The following IMMP2L variants were observed in gnomAD, a reference collection of about 807,000 sequenced individuals.
IMMP2L encodes inner mitochondrial membrane peptidase subunit 2.
IMMP2L carries 18 observed loss-of-function variants against 19.3 expected under a neutral mutation model. The ratio of observed to expected loss-of-function variants is 0.93; its 90% CI spans 0.64 to 1.38. The LOEUF is 1.38. Among genes scored for constraint, IMMP2L ranks in the 40% most tolerant of loss-of-function variants. IMMP2L has a pLI of 0.00. For missense variants in IMMP2L, 233 were observed against 218.2 expected (o/e 1.07, Z -0.43); for synonymous variants, 76 against 73.0 (o/e 1.04, Z -0.21).
intron 5 of IMMP2L, among the ~76,000 whole-genome samples, chr7:110,840,346 C>T (rs1006036000): frequency 2.6e-5 from 4 of 152,076 alleles, no homozygotes; most frequent in African/African-American, 9.7e-5. Context: ...CATCGATTTC[C>T]TTCTGGAATC....
At chr7:111,057,266 C>A (rs371310743) in intron 3 of IMMP2L, among the ~76,000 whole-genome samples, 1 of 152,268 alleles carries the variant, frequency 6.6e-6, no homozygotes, top group African/African-American at 2.4e-5. Flanking sequence ...AAGGTAGGCA[C>A]CAGCCATCTG....
intron 3 of IMMP2L, among the ~76,000 whole-genome samples, chr7:111,339,514 G>A (rs918454982): frequency 2.0e-5 from 3 of 151,796 alleles, no homozygotes; most frequent in East Asian, 1.9e-4. Flanking sequence ...GCCCTACACC[G>A]CATTTTACAG....
At chr7:111,345,114 A>C (rs1288992863) in intron 3 of IMMP2L, among the ~76,000 whole-genome samples, 2 of 152,082 alleles carry the variant, frequency 1.3e-5, no homozygotes, top group Non-Finnish European at 2.9e-5. Flanking sequence ...TAAGAATGAA[A>C]ACTGGAAATT....
rs540716435 is a variant in IMMP2L at position 111,059,056 on chromosome 7, C to T, written c.240-95491G>A. Among the ~76,000 whole-genome samples the T allele has an allele frequency of 2.0e-5, 3 of 152,130 alleles. No homozygotes were observed. In the East Asian group the frequency reaches 5.8e-4, roughly 29 times the overall value. On this transcript the variant is annotated intron_variant, in intron 3 of 5. Transcript: ENST00000405709. The stretch of plus-strand genomic sequence containing the variant: ...GGAGTGCAGTGGCGCAATCTCGGCT[C>T]ACTGCAACTTTTGCCTCCCGGGTTC...
intron 4 of IMMP2L, among the ~76,000 whole-genome samples, chr7:110,912,709 A>G (rs900117731): frequency 6.6e-6 from 1 of 152,200 alleles, no homozygotes; most frequent in African/African-American, 2.4e-5. Context: ...ACAAGAAAGC[A>G]AACACAAAGT....
At chr7:111,441,168 G>A (rs923773576) in intron 3 of IMMP2L, among the ~76,000 whole-genome samples, 2 of 151,886 alleles carry the variant, frequency 1.3e-5, no homozygotes, top group Non-Finnish European at 2.9e-5. Flanking sequence ...ATTCACTGGA[G>A]TAGCATTTTT....
chr7:110,737,214 C>T (rs1198522888), intron 5 of IMMP2L, among the ~76,000 whole-genome samples: 2 of 152,098 alleles, frequency 1.3e-5, no homozygotes, highest in East Asian at 3.9e-4. Flanking sequence ...TGGCAGGCTC[C>T]CTGAGATGCC....
intron 5 of IMMP2L, among the ~76,000 whole-genome samples, chr7:110,789,772 C>A (rs1399359268): frequency 6.6e-6 from 1 of 151,582 alleles, no homozygotes; most frequent in Non-Finnish European, 1.5e-5. Flanking sequence ...TACTGGTGCC[C>A]TTGCTCTTCC....
At chr7:110,858,591 C>A (rs1807047144) in intron 5 of IMMP2L, among the ~76,000 whole-genome samples, 1 of 152,034 alleles carries the variant, frequency 6.6e-6, no homozygotes, top group Admixed American at 6.6e-5. Flanking sequence ...TTTTAAAGAA[C>A]TTTATTTTAT....
In IMMP2L at chr7:111,424,444, G is replaced by A. The variant is rs777379677; in HGVS notation, c.239+62794C>T. ...AGACTACAAGTAATTAACAGACTGC[G>A]AGGGCCAGTGTCCCAGACTAAGCCA... On this transcript the variant is annotated intron_variant, in intron 3 of 5. Transcript: ENST00000405709. Among the ~76,000 whole-genome samples, 76 of 151,866 alleles carry A rather than the reference G, an allele frequency of 5.0e-4. 1 individual carries two copies. Among genetic ancestry groups the A allele is most frequent in the Non-Finnish European group, 6.2e-4 (42 of 67,966 alleles).
At chr7:111,063,378 A>G (rs532625473) in intron 3 of IMMP2L, among the ~76,000 whole-genome samples, 4 of 151,792 alleles carry the variant, frequency 2.6e-5, no homozygotes, top group Admixed American at 2.6e-4. Flanking sequence ...CCACAAAACC[A>G]TTTTTTCCTC....
chr7:110,743,369 C>T (rs2130878349), intron 5 of IMMP2L, among the ~76,000 whole-genome samples: 1 of 152,140 alleles, frequency 6.6e-6, no homozygotes, highest in Middle Eastern at 3.4e-3. Context: ...GCAGAATTAA[C>T]ATTGACATTA....
chr7:110,843,910 A>G (rs905808221), intron 5 of IMMP2L, among the ~76,000 whole-genome samples: 8 of 152,150 alleles, frequency 5.3e-5, no homozygotes, highest in South Asian at 2.1e-4. Context: ...GGCAGGGCAC[A>G]TGAGTGAAAG....
At chr7:110,827,239 C>A (rs1437228457) in intron 5 of IMMP2L, among the ~76,000 whole-genome samples, 2 of 152,126 alleles carry the variant, frequency 1.3e-5, no homozygotes, top group African/African-American at 2.4e-5. Flanking sequence ...AGATAAGCAA[C>A]CCACCCAAAG....
At chr7:110,987,046 T>C (rs1269210012) in intron 3 of IMMP2L, among the ~76,000 whole-genome samples, 1 of 152,044 alleles carries the variant, frequency 6.6e-6, no homozygotes, top group African/African-American at 2.4e-5. Context: ...GTAGGAAAAA[T>C]ATATATCAAT....
intron 3 of IMMP2L, among the ~76,000 whole-genome samples, chr7:111,083,754 C>A (rs150770212): frequency 6.6e-6 from 1 of 152,110 alleles, no homozygotes; most frequent in Non-Finnish European, 1.5e-5. Flanking sequence ...TGTCTTGCAT[C>A]GAGTTAAACT....
At chr7:110,722,087 T>C (rs1795612778) in intron 5 of IMMP2L, among the ~76,000 whole-genome samples, 1 of 152,002 alleles carries the variant, frequency 6.6e-6, no homozygotes, top group Non-Finnish European at 1.5e-5. Flanking sequence ...TCAATAGGTG[T>C]GAAAGAAGAC....
At chr7:111,192,702 C>G (rs1809024337) in intron 3 of IMMP2L, among the ~76,000 whole-genome samples, 1 of 151,934 alleles carries the variant, frequency 6.6e-6, no homozygotes, top group African/African-American at 2.4e-5. Context: ...TGGATTTGGG[C>G]ATCACATGGC....
chr7:111,315,350 TG>T (rs1823945461), intron 3 of IMMP2L, among the ~76,000 whole-genome samples: 1 of 151,948 alleles, frequency 6.6e-6, no homozygotes, highest in Non-Finnish European at 1.5e-5. Flanking sequence ...CTTATACATA[TG>T]GTACTTATGA....
Sources: gnomAD v4.1 joint callset for allele counts (sites outside exome capture counted in the v4.1 genomes callset) on GRCh38, gnomAD v4.1.1 for gene constraint, MANE v1.5 for transcripts, NCBI Gene and HGNC (gene_info 2026-07-23, HGNC 2026-07-21) for gene names.